The following MGMT variants were observed in gnomAD, a reference collection of about 807,000 sequenced individuals.
MGMT encodes O-6-methylguanine-DNA methyltransferase.
A neutral mutation model predicts 15.9 loss-of-function variants in MGMT; 14 were observed. The observed-to-expected ratio is 0.88, with a 90% CI of 0.58 to 1.37. The LOEUF is 1.37. MGMT is among the 40% of genes most tolerant of loss of function. The pLI, the probability that MGMT is intolerant of heterozygous loss-of-function variation, is 0.00. For missense variants in MGMT, 282 were observed against 268.1 expected, an observed-to-expected ratio of 1.05 and a Z score of -0.36; for synonymous variants, 130 against 118.2, an observed-to-expected ratio of 1.10 and a Z score of -0.65.
chr10:129,580,369 G>A (rs531929297), intron 2 of MGMT, among the ~76,000 whole-genome samples: 2 of 152,176 alleles, frequency 1.3e-5, no homozygotes, highest in South Asian at 2.1e-4. Context: ...TTACGATTAG[G>A]CACCACAGTA....
chr10:129,731,056 C>T (rs7898934), intron 3 of MGMT, among the ~76,000 whole-genome samples: 29,505 of 152,146 alleles, frequency 0.19, 3,132 homozygotes, highest in Middle Eastern at 0.35. Context: ...TGTCACTAGG[C>T]GCCCCACACT....
chr10:129,676,828 G>A (rs1285804983), intron 2 of MGMT, among the ~76,000 whole-genome samples: 1 of 152,000 alleles, frequency 6.6e-6, no homozygotes, highest in African/African-American at 2.4e-5. Context: ...TACTTTTTTA[G>A]CACAGAGAAT....
intron 2 of MGMT, among the ~76,000 whole-genome samples, chr10:129,624,723 T>G (rs1847127396): frequency 6.6e-6 from 1 of 152,144 alleles, no homozygotes. Context: ...ACTTCGGAAG[T>G]CAGTGGACCC....
rs563145381 is a variant in MGMT, at chr10:129,590,071, G to C, written c.125+53694G>C. 1.6e-4 allele frequency among the ~76,000 whole-genome samples: 24 copies of C among 152,298 alleles called. No homozygotes were observed. The South Asian group carries it at 3.5e-3, about 22-fold the overall frequency. On this transcript the variant is annotated intron_variant, in intron 2 of 4. Transcript: ENST00000651593. Reference sequence around the variant, plus strand: ...TCATCACAGGGCCACAGCATATCAGGCCATGGGTTCCCTGTTAATTCCTCT... The same window carrying C: ...TCATCACAGGGCCACAGCATATCAGCCCATGGGTTCCCTGTTAATTCCTCT...
chr10:129,614,450 G>A (rs1252916217), intron 2 of MGMT, among the ~76,000 whole-genome samples: 3 of 152,160 alleles, frequency 2.0e-5, no homozygotes, highest in Admixed American at 6.5e-5. Flanking sequence ...CCCTGTGCTC[G>A]CTATGACTTC....
intron 2 of MGMT, among the ~76,000 whole-genome samples, chr10:129,673,698 C>T (rs901527779): frequency 3.3e-5 from 5 of 152,130 alleles, no homozygotes; most frequent in Non-Finnish European, 5.9e-5. Context: ...AAGAAATTGC[C>T]ACCTCGTAAT....
chr10:129,604,182 ACT>A (rs1846858818), intron 2 of MGMT, among the ~76,000 whole-genome samples: 1 of 151,822 alleles, frequency 6.6e-6, no homozygotes, highest in South Asian at 2.1e-4. Flanking sequence ...TTACCAAAGC[ACT>A]CTCTACGACG....
At chr10:129,609,208 C>G (rs1257472256) in intron 2 of MGMT, among the ~76,000 whole-genome samples, 1 of 152,182 alleles carries the variant, frequency 6.6e-6, no homozygotes, top group Non-Finnish European at 1.5e-5. Flanking sequence ...GCCTTTCTCA[C>G]CACACCTTTC....
intron 3 of MGMT, among the ~76,000 whole-genome samples, chr10:129,751,075 T>C (rs1420180412): frequency 6.6e-6 from 1 of 152,098 alleles, no homozygotes; most frequent in Non-Finnish European, 1.5e-5. Flanking sequence ...TAAAACACTT[T>C]AGAAAATGTT....
chr10:129,533,089 C>A lies in MGMT; in HGVS notation c.-12-3152C>A, dbSNP rs192796636. ...TCAACGGTGGCCATAGCCACCACAT[C>A]CTGTTTCCAGGGGCAATGGTGGCAA... On this transcript the variant is annotated intron_variant, in intron 1 of 4. Coordinates refer to ENST00000651593, the MANE Select transcript of MGMT (RefSeq NM_002412.5). The surrounding 1 kb of genome is among the most constrained non-coding windows in gnomAD (Gnocchi z 4.5). Among the ~76,000 whole-genome samples the A allele has an allele frequency of 6.2e-4, 94 of 152,368 alleles. 2 individuals carry two copies. The highest frequency in any genetic ancestry group is 5.0e-3 in the East Asian group (26 of 5,170).
intron 1 of MGMT, chr10:129,467,569 T>A: frequency 2.7e-6 from 1 of 376,952 alleles, no homozygotes; most frequent in Non-Finnish European, 3.7e-6. Context: ...GCCTTACCTC[T>A]AGGTGCCAGC....
At chr10:129,512,086 G>A (rs2119700266) in intron 1 of MGMT, among the ~76,000 whole-genome samples, 1 of 152,202 alleles carries the variant, frequency 6.6e-6, no homozygotes, top group East Asian at 1.9e-4. Flanking sequence ...TGCAGATGCA[G>A]GATGCTGGAG....
chr10:129,662,566 C>T lies in MGMT; in HGVS notation c.126-45329C>T, dbSNP rs554102447. The stretch of plus-strand genomic sequence containing the variant: ...GTAACCCTCACTGCAATTCCAGCAT[C>T]AGCCAACAGGACAAAGCGGAAGCTG... On this transcript the variant is annotated intron_variant, in intron 2 of 4. Coordinates refer to ENST00000651593, the MANE Select transcript of MGMT (RefSeq NM_002412.5). Among the ~76,000 whole-genome samples the T allele has an allele frequency of 5.3e-5, 8 of 152,292 alleles. No homozygotes were observed. In the South Asian group the frequency reaches 1.0e-3, roughly 20 times the overall value.
At chr10:129,639,289 T>A (rs1416980247) in intron 2 of MGMT, among the ~76,000 whole-genome samples, 3 of 152,174 alleles carry the variant, frequency 2.0e-5, no homozygotes, top group Middle Eastern at 3.2e-3. Flanking sequence ...TAAAGAGAGA[T>A]GTTACATAGC....
At chr10:129,482,696 T>G (rs538460984) in intron 1 of MGMT, among the ~76,000 whole-genome samples, 1 of 152,278 alleles carries the variant, frequency 6.6e-6, no homozygotes, top group African/African-American at 2.4e-5. Flanking sequence ...TTATTTGATA[T>G]TAGGATAGCC....
intron 3 of MGMT, among the ~76,000 whole-genome samples, chr10:129,742,391 G>A (rs1021130428): frequency 7.9e-5 from 12 of 152,242 alleles, no homozygotes; most frequent in Admixed American, 2.0e-4. Flanking sequence ...CTCGGTGCGC[G>A]ACCCGGGGCG....
chr10:129,740,294 A>G (rs1296260144), intron 3 of MGMT, among the ~76,000 whole-genome samples: 1 of 152,060 alleles, frequency 6.6e-6, no homozygotes, highest in African/African-American at 2.4e-5. Context: ...CTGTGGAGCC[A>G]CAGCTGCTGA....
chr10:129,750,167 C>G (rs1426466284), intron 3 of MGMT, among the ~76,000 whole-genome samples: 1 of 152,042 alleles, frequency 6.6e-6, no homozygotes, highest in African/African-American at 2.4e-5. Flanking sequence ...CATGTTGTAT[C>G]TAAAAACTCT....
chr10:129,639,065 C>A (rs1378403541), intron 2 of MGMT, among the ~76,000 whole-genome samples: 3 of 151,580 alleles, frequency 2.0e-5, no homozygotes, highest in African/African-American at 7.3e-5. Flanking sequence ...AAATATATAG[C>A]CATGGAAGTA....
Sources: allele counts gnomAD v4.1 joint callset (sites outside exome capture counted in the v4.1 genomes callset), GRCh38; gene constraint gnomAD v4.1.1; non-coding constraint Gnocchi (gnomAD v3.1); transcripts MANE v1.5; gene names NCBI Gene and HGNC (gene_info 2026-07-23, HGNC 2026-07-21).